The following TRMT2B variants were observed in gnomAD, a reference collection of about 807,000 sequenced individuals.
TRMT2B encodes tRNA methyltransferase 2B.
Under a neutral mutation model 39.7 loss-of-function variants are expected in TRMT2B, and 34 were observed. The observed-to-expected ratio is 0.86, with a 90% CI of 0.65 to 1.14. TRMT2B has a LOEUF of 1.14. Ranked by LOEUF, TRMT2B falls within the 50% of genes most tolerant of loss-of-function variation. The pLI, the probability that TRMT2B is intolerant of heterozygous loss-of-function variation, is 0.00. For synonymous variants in TRMT2B, 132 were observed against 137.3 expected, an observed-to-expected ratio of 0.96 and a Z score of 0.27; for missense variants, 318 against 377.2, an observed-to-expected ratio of 0.84 and a Z score of 1.30.
At chrX:101,015,995 G>C (rs1324927591) in intron 13 of TRMT2B, among the ~76,000 whole-genome samples, 1 of 111,062 alleles carries the variant, frequency 9.0e-6, no homozygotes, top group Admixed American at 9.8e-5. Flanking sequence ...GCTTGAACCA[G>C]GGAGGTGGAG....
chrX:101,010,370 C>T lies in TRMT2B; in HGVS notation c.*211G>A. 1 of 405,126 alleles carries T rather than the reference C, an allele frequency of 2.5e-6. No individual in the cohort carries two copies. Among genetic ancestry groups the T allele is most frequent in the Non-Finnish European group, 4.3e-6 (1 of 234,357 alleles). The allele number at this position is 405,126 out of a possible 1,213,427, so 33.4% of individuals were successfully genotyped here. On this transcript the variant is annotated 3_prime_UTR_variant, in exon 14 of 14. Coordinates refer to ENST00000372936, the MANE Select transcript of TRMT2B (RefSeq NM_024917.6). ...GAGGTTGCAGTGAGCTGAGATCACG[C>T]CACGACACTCCAGCCTGGGCAAGAG...
chrX:101,031,314 T>C (rs1342880681), intron 7 of TRMT2B, among the ~76,000 whole-genome samples: 1 of 111,806 alleles, frequency 8.9e-6, no homozygotes, highest in African/African-American at 3.2e-5. Context: ...AGCCAAGTAT[T>C]ACCAGCTATT....
chrX:100,985,998 T>C, the TRMT2B span: 2 of 1,072,798 alleles, frequency 1.9e-6, no homozygotes, highest in African/African-American at 1.9e-5. Context: ...GGGTGGTCCC[T>C]TTGTCACACC....
the TRMT2B span, among the ~76,000 whole-genome samples, chrX:100,993,846 C>A: frequency 8.9e-6 from 1 of 111,808 alleles, no homozygotes; most frequent in African/African-American, 3.3e-5. Flanking sequence ...TCTTACCAAG[C>A]TGGGTGACCA....
At chrX:100,979,874 G>C in the TRMT2B span, among the ~76,000 whole-genome samples, 1 of 111,629 alleles carries the variant, frequency 9.0e-6, no homozygotes, top group African/African-American at 3.3e-5. Context: ...GGTGGTCTTG[G>C]GTAAGATCTG....
At chrX:101,020,432 A>G in intron 11 of TRMT2B, 55 bp downstream of exon 11, 3 of 1,024,677 alleles carry the variant, frequency 2.9e-6, no homozygotes, top group Non-Finnish European at 2.7e-6. Context: ...AACTCTTTCC[A>G]TAGCACAGAA....
the TRMT2B span, chrX:100,973,773 G>A: frequency 2.5e-6 from 3 of 1,190,665 alleles, no homozygotes; most frequent in Non-Finnish European, 1.1e-6. Flanking sequence ...ATTTCCCTAG[G>A]CCTATTCCAC....
the TRMT2B span, among the ~76,000 whole-genome samples, chrX:100,982,441 G>A: frequency 2.8e-5 from 3 of 107,694 alleles, no homozygotes; most frequent in Admixed American, 1.0e-4. Context: ...GTAGTGAGAC[G>A]AGATGGTGCC....
In TRMT2B at chrX:101,012,355, G is replaced by A. The variant is rs181748619; in HGVS notation, c.1389-1648C>T. ...TTATTATTATACTTTAAGTTTTAGGGTACATGTGCACAATGTGCAGGTTAG... is the reference window on the plus strand; with the variant it reads ...TTATTATTATACTTTAAGTTTTAGGATACATGTGCACAATGTGCAGGTTAG... On this transcript the variant is annotated intron_variant, in intron 13 of 13. Transcript: ENST00000372936. Among the ~76,000 whole-genome samples the A allele has an allele frequency of 5.3e-3, 581 of 108,853 alleles. 7 individuals are homozygous for A. Among genetic ancestry groups the A allele is most frequent in the African/African-American group, 0.018 (552 of 29,842 alleles). 94.5% of individuals were successfully genotyped at this position (108,853 alleles called of 115,157 possible). A position where few individuals can be genotyped will look rare whatever the true frequency, so the allele number is the denominator to read the frequency against.
chrX:101,036,444 C>CAAAAAA (rs776144105), intron 6 of TRMT2B, among the ~76,000 whole-genome samples: 2 of 21,774 alleles, frequency 9.2e-5, no homozygotes, highest in African/African-American at 1.6e-4. Context: ...GACTCCATCT[C>CAAAAAA]AAAAAAAAAA....
At chrX:101,016,924 C>A (rs57023344) in intron 13 of TRMT2B, among the ~76,000 whole-genome samples, 21,461 of 110,512 alleles carry the variant, frequency 0.19, 1,618 homozygotes, top group African/African-American at 0.23. Context: ...CCTATAATCC[C>A]AGCACTTTGG....
chrX:101,023,874 G>A (rs1389898905), intron 7 of TRMT2B, among the ~76,000 whole-genome samples: 1 of 110,884 alleles, frequency 9.0e-6, no homozygotes, highest in African/African-American at 3.3e-5. Flanking sequence ...TTCAGACGGA[G>A]TCTCACTCTG....
intron 13 of TRMT2B, among the ~76,000 whole-genome samples, chrX:101,014,965 G>A (rs1369508124): frequency 2.7e-5 from 3 of 109,796 alleles, no homozygotes; most frequent in South Asian, 7.8e-4. Flanking sequence ...GAGCAACACA[G>A]CAAAACCTCA....
chrX:101,006,528 C>A (rs924939645), downstream of TRMT2B, among the ~76,000 whole-genome samples: 3 of 110,219 alleles, frequency 2.7e-5, no homozygotes, highest in Non-Finnish European at 5.7e-5. Flanking sequence ...GTTGGCCGGG[C>A]GCAGTGGCTC....
At chrX:101,050,902 CG>C (rs1334048891) in intron 2 of TRMT2B, among the ~76,000 whole-genome samples, 2 of 104,248 alleles carry the variant, frequency 1.9e-5, no homozygotes, top group Admixed American at 1.1e-4. Flanking sequence ...ATTAGCTGGG[CG>C]TGGTGGCAGG....
the TRMT2B span, among the ~76,000 whole-genome samples, chrX:100,984,104 TTTTTTTG>T: frequency 3.7e-5 from 4 of 109,205 alleles, no homozygotes; most frequent in Middle Eastern, 4.7e-3. Context: ...TTCCTTCTTT[TTTTTTTG>T]TTTTTTGTTT....
In TRMT2B at chrX:101,042,130, G is replaced by T; in HGVS notation, c.160C>A (p.Arg54Ser). Residue 54 changes from arginine (R) to serine (S), a missense_variant, in exon 3 of 14, where the codon CGT becomes AGT. Arg to Ser is a moderately radical substitution (Grantham distance 110). Transcript: ENST00000372936. Reference sequence around the variant, plus strand: ...TTCTGACATTTCGTGGCTATCACACGGGTGAAATCTCCCTTACATACTGTG... The same window carrying T: ...TTCTGACATTTCGTGGCTATCACACTGGTGAAATCTCCCTTACATACTGTG... ...LGTVCKGDFT[R>S]VIATKCQKGQ... The T allele has an allele frequency of 8.3e-7, 1 of 1,211,871 alleles. No individual in the cohort carries two copies. The highest frequency in any genetic ancestry group is 1.1e-6 in the Non-Finnish European group (1 of 895,469).
At chrX:101,048,922 C>T (rs1826128538) in intron 2 of TRMT2B, among the ~76,000 whole-genome samples, 1 of 112,173 alleles carries the variant, frequency 8.9e-6, no homozygotes, top group Non-Finnish European at 1.9e-5. Flanking sequence ...CAGGACTGTG[C>T]TTAAGACAGC....
the TRMT2B span, chrX:100,985,963 C>A: frequency 3.4e-6 from 4 of 1,162,875 alleles, no homozygotes; most frequent in South Asian, 2.0e-5. Context: ...AATTTGTACC[C>A]TTAAAAGTAT....
Sources: gnomAD v4.1 joint callset for allele counts (sites outside exome capture counted in the v4.1 genomes callset) on GRCh38, gnomAD v4.1.1 for gene constraint, MANE v1.5 for transcripts, NCBI Gene and HGNC (gene_info 2026-07-23, HGNC 2026-07-21) for gene names.